The following THBS1 variants were observed in gnomAD, a reference collection of about 807,000 sequenced individuals.
THBS1 encodes thrombospondin 1, also known as thrombospondin-1.
THBS1 carries 29 observed loss-of-function variants against 126.1 expected under a neutral mutation model. The ratio of observed to expected loss-of-function variants is 0.23; its 90% confidence interval spans 0.17 to 0.31. The LOEUF (loss-of-function observed/expected upper bound fraction) is 0.31, where lower values mean the gene tolerates loss of function less well. THBS1 is among the 10% of genes least tolerant of loss of function. THBS1 has a pLI of 1.00. For synonymous variants in THBS1, 496 were observed against 577.8 expected, an observed-to-expected ratio of 0.86 and a Z score of 2.03; for missense variants, 1,198 against 1,545.2, an observed-to-expected ratio of 0.78 and a Z score of 3.77.
intron 9 of THBS1, 104 bp from the exon 10 acceptor site, chr15:39,588,422 T>C (rs1890252495): frequency 8.6e-6 from 12 of 1,389,720 alleles, no homozygotes; most frequent in Admixed American, 2.6e-5. Context: ...TCTTTCCATG[T>C]GTCAGAGAAG....
At chr15:39,585,354 T>C (rs1277817992) in intron 6 of THBS1, 116 bp from the exon 7 acceptor site, 4 of 827,900 alleles carry the variant, frequency 4.8e-6, no homozygotes, top group Non-Finnish European at 8.0e-6. Context: ...ATCATTCCAC[T>C]AGAGCATTGA....
intron 14 of THBS1, 147 bp from the exon 15 acceptor site, chr15:39,591,044 G>C: frequency 1.1e-6 from 1 of 901,684 alleles, no homozygotes; most frequent in Non-Finnish European, 1.7e-6. Context: ...TGTAGTGATC[G>C]TTTTACACTG....
intron 7 of THBS1, 88 bp from the exon 8 acceptor site, chr15:39,587,259 T>G: frequency 7.5e-7 from 1 of 1,341,466 alleles, no homozygotes; most frequent in Non-Finnish European, 1.0e-6. Context: ...TTTCACCCTC[T>G]GGCAAGTGGA....
In THBS1 at chr15:39,588,109, T is replaced by C. The variant is rs755552048; in HGVS notation, c.1362T>C (p.Gly454=). 5.6e-6 allele frequency: 9 copies of C among 1,614,200 alleles called. No individual in the cohort carries two copies. Among genetic ancestry groups the C allele is most frequent in the Non-Finnish European group, 7.6e-6 (9 of 1,180,028 alleles). The part of the protein sequence containing the change: ...WSSCSVTCGD[G]VITRIRLCNS... ...CTTGTTCTGTGACATGTGGTGATGG[T>C]GTGATCACAAGGATCCGGCTCTGCA... The change falls in exon 9 of 22, where the codon GGT becomes GGC. Residue 454 remains glycine (G), a synonymous_variant. Coordinates refer to ENST00000260356, the MANE Select transcript of THBS1 (RefSeq NM_003246.4).
chr15:39,582,558 G>T lies in THBS1; in HGVS notation c.433G>T (p.Glu145Ter). ...AAAGCAGCACGTGGTGTCTGTGGAAGAAGCTCTCCTGGCAACCGGCCAGTG... is the reference window on the plus strand; with the variant it reads ...AAAGCAGCACGTGGTGTCTGTGGAATAAGCTCTCCTGGCAACCGGCCAGTG... ...QGKQHVVSVE[E>*]ALLATGQWKS... The change falls in exon 3 of 22, where the codon GAA (glutamate) becomes TAA (stop). Residue 145 changes from glutamate to a stop codon, truncating the protein, a stop_gained. Coordinates refer to ENST00000260356, the MANE Select transcript of THBS1 (RefSeq NM_003246.4). LOFTEE classifies it high-confidence loss of function. The T allele has an allele frequency of 6.2e-7, 1 of 1,614,188 alleles. No individual in the cohort carries two copies. The highest frequency in any genetic ancestry group is 8.5e-7 in the Non-Finnish European group (1 of 1,180,038).
rs1236566477 is a variant in THBS1, at chr15:39,595,520, C to A, written c.*151C>A. 7.9e-6 allele frequency: 8 copies of A among 1,014,938 alleles called. No homozygotes were observed. Among genetic ancestry groups the A allele is most frequent in the Middle Eastern group, 2.1e-4 (1 of 4,706 alleles). The allele number at this position is 1,014,938 out of a possible 1,614,324, so 62.9% of individuals were successfully genotyped here. On this transcript the variant is annotated 3_prime_UTR_variant, in exon 22 of 22. Transcript: ENST00000260356. The stretch of plus-strand genomic sequence containing the variant: ...CAGTGTGGACTCCTAGAACGTGCGA[C>A]CTGCCTCAAGAAAATGCAGTTTTCA...
chr15:39,588,151 G>C lies in THBS1; in HGVS notation c.1404G>C (p.Gln468His). 2 of 1,614,212 alleles carry C rather than the reference G, an allele frequency of 1.2e-6. No homozygotes were observed. The highest frequency in any genetic ancestry group is 1.7e-6 in the Non-Finnish European group (2 of 1,180,048). Residue 468 changes from glutamine (Q) to histidine (H), a missense_variant, in exon 9 of 22, where the codon CAG becomes CAC. Gln to His is a conservative substitution (Grantham distance 24). Coordinates refer to ENST00000260356, the MANE Select transcript of THBS1 (RefSeq NM_003246.4). ...RIRLCNSPSP[Q>H]MNGKPCEGEA... ...GGCTCTGCAACTCTCCCAGCCCCCA[G>C]ATGAACGGGAAACCCTGTGAAGGCG...
Position 39,591,353 on chromosome 15 carries a change from A to T in THBS1, c.2413+3A>T, listed in dbSNP as rs1890324094. On this transcript the variant is annotated splice_donor_region_variant and intron_variant, in intron 15 of 21. Transcript: ENST00000260356. The stretch of plus-strand genomic sequence containing the variant: ...TGCTGCAGACATTGATGGAGACGGT[A>T]AGGTGCTGCCTGATCAGAGGGCCCG... 2.5e-6 allele frequency: 4 copies of T among 1,612,970 alleles called. No individual in the cohort carries two copies. Among genetic ancestry groups the T allele is most frequent in the Non-Finnish European group, 3.4e-6 (4 of 1,179,360 alleles).
In THBS1 at chr15:39,587,505, G is replaced by C. The variant is rs747553751; in HGVS notation, c.1279G>C (p.Glu427Gln). Residue 427 changes from glutamate to glutamine, a missense_variant, in exon 8 of 22, where the codon GAG becomes CAG. Glu to Gln is a conservative substitution (Grantham distance 29, BLOSUM62 2). This residue lies in a region of THBS1 where 663 missense variants were observed against 860.1 expected (regional missense o/e 0.77). Transcript: ENST00000260356. ...CCAGACACGGACCTGCCACATTCAG[G>C]AGTGTGACAAGAGATGTAAGCATCT... ...SVQTRTCHIQ[E>Q]CDKRFKQDGG... The C allele has an allele frequency of 9.9e-6, 16 of 1,613,126 alleles. No homozygotes were observed. The highest frequency in any genetic ancestry group is 1.3e-5 in the Non-Finnish European group (15 of 1,179,438).
At chr15:39,584,861 C>G (rs529593830) in intron 6 of THBS1, among the ~76,000 whole-genome samples, 1 of 152,320 alleles carries the variant, frequency 6.6e-6, no homozygotes, top group East Asian at 1.9e-4. Context: ...CTGCTTTGCT[C>G]AGATGGCACT....
Position 39,592,480 on chromosome 15 carries a change from A to T in THBS1, c.2533-88A>T. On this transcript the variant is annotated intron_variant, in intron 16 of 21. Coordinates refer to ENST00000260356, the MANE Select transcript of THBS1 (RefSeq NM_003246.4). This position sits in a 1 kb window ranked among gnomAD's most constrained non-coding sequence, Gnocchi z 4.3. ...CCCCACTGGCTGTATCAAACAATGG[A>T]GAATTTTCCCTGTGGTGGGGGCATA... is the stretch of plus-strand genomic sequence containing the variant. 1 of 1,093,242 alleles carries T rather than the reference A, an allele frequency of 9.1e-7. No homozygotes were observed. Among genetic ancestry groups the T allele is most frequent in the South Asian group, 1.6e-5 (1 of 63,574 alleles). The allele number at this position is 1,093,242 out of a possible 1,614,324, so 67.7% of individuals were successfully genotyped here. A position where few individuals can be genotyped will look rare whatever the true frequency, so the allele number is the denominator to read the frequency against.
rs1293801766 is a variant in THBS1 at position 39,596,723 on chromosome 15, A to T, written c.*1354A>T. The T allele has an allele frequency of 6.6e-6, 1 of 152,222 alleles. No individual in the cohort carries two copies. Among genetic ancestry groups the T allele is most frequent in the African/African-American group, 2.4e-5 (1 of 41,456 alleles). 9.4% of individuals were successfully genotyped at this position (152,222 alleles called of 1,614,324 possible). A position where few individuals can be genotyped will look rare whatever the true frequency, so the allele number is the denominator to read the frequency against. ...TTCAAGTGGAATTAGTTGGTTATCC[A>T]TTTGCAAATGTTTTAAATTGCAAAG... is the stretch of plus-strand genomic sequence containing the variant. On this transcript the variant is annotated 3_prime_UTR_variant, in exon 22 of 22. Transcript: ENST00000260356.
intron 9 of THBS1, 52 bp downstream of exon 9, chr15:39,588,270 C>T (rs766864355): frequency 1.3e-6 from 2 of 1,571,912 alleles, no homozygotes; most frequent in Non-Finnish European, 1.7e-6. Flanking sequence ...CTCTGCCCAG[C>T]TGGTTGCCTG....
At chr15:39,590,938 G>T in intron 14 of THBS1, 1 of 546,184 alleles carries the variant, frequency 1.8e-6, no homozygotes, top group Non-Finnish European at 3.2e-6. Flanking sequence ...ATTGACTTTG[G>T]GCACACTATG....
Position 39,591,460 on chromosome 15 carries a change from C to T in THBS1, c.2414-45C>T, listed in dbSNP as rs548623996. ...TAGTATGCACTTTGGTGGAAACATC[C>T]AAGGCTGGAGAGCCCAGCTCTTATT... On this transcript the variant is annotated intron_variant, in intron 15 of 21. Coordinates refer to ENST00000260356, the MANE Select transcript of THBS1 (RefSeq NM_003246.4). 6 of 1,611,340 alleles carry T rather than the reference C, an allele frequency of 3.7e-6. No homozygotes were observed. The South Asian group carries it at 6.6e-5, about 18-fold the overall frequency.
In THBS1 at chr15:39,582,462, T is replaced by C; in HGVS notation, c.337T>C (p.Ser113Pro). 1 of 1,614,094 alleles carries C rather than the reference T, an allele frequency of 6.2e-7. No homozygotes were observed. Among genetic ancestry groups the C allele is most frequent in the Non-Finnish European group, 8.5e-7 (1 of 1,179,988 alleles). Residue 113 changes from serine (S) to proline (P), a missense_variant, in exon 3 of 22, where the codon TCT becomes CCT. Physicochemically the swap from Ser to Pro is moderately conservative, Grantham distance 74 (BLOSUM62 -1). Coordinates refer to ENST00000260356, the MANE Select transcript of THBS1 (RefSeq NM_003246.4). ...GCTGGCCCTGGAGCGGAAAGACCAC[T>C]CTGGCCAGGTCTTCAGCGTGGTGTC... Reference protein sequence around the residue: ...TLLALERKDHSGQVFSVVSNG... With the variant: ...TLLALERKDHPGQVFSVVSNG...
In THBS1 at chr15:39,590,669, C is replaced by T. The variant is rs759856652; in HGVS notation, c.2253+46C>T. The T allele has an allele frequency of 3.3e-6, 5 of 1,499,202 alleles. No homozygotes were observed. In the South Asian group the frequency reaches 5.8e-5, roughly 17 times the overall value. The allele number at this position is 1,499,202 out of a possible 1,614,324, so 92.9% of individuals were successfully genotyped here. A position where few individuals can be genotyped will look rare whatever the true frequency, so the allele number is the denominator to read the frequency against. On this transcript the variant is annotated intron_variant, in intron 14 of 21. Transcript: ENST00000260356. Reference sequence around the variant, plus strand: ...CTTTTTCATCTTTTCAGTTCAGCAACAGCCTGAAACACTTTGGGATTCAAG... The same window carrying T: ...CTTTTTCATCTTTTCAGTTCAGCAATAGCCTGAAACACTTTGGGATTCAAG...
In THBS1 at chr15:39,595,450, C is replaced by A; in HGVS notation, c.*81C>A. 1 of 1,463,052 alleles carries A rather than the reference C, an allele frequency of 6.8e-7. No individual in the cohort carries two copies. Among genetic ancestry groups the A allele is most frequent in the East Asian group, 2.3e-5 (1 of 42,914 alleles). 90.6% of individuals were successfully genotyped at this position (1,463,052 alleles called of 1,614,324 possible). ...CTGGAACTATGGGCTTGAGAAAACC[C>A]CCAGGATCACTTCTCCTTGGCTTCC... On this transcript the variant is annotated 3_prime_UTR_variant, in exon 22 of 22. Coordinates refer to ENST00000260356, the MANE Select transcript of THBS1 (RefSeq NM_003246.4).
rs1890385311 is a variant in THBS1, at chr15:39,594,148, C to T, written c.3317C>T (p.Thr1106Ile). 6.2e-7 allele frequency: 1 copy of T among 1,614,144 alleles called. No individual in the cohort carries two copies. The highest frequency in any genetic ancestry group is 8.5e-7 in the Non-Finnish European group (1 of 1,179,996). ...CGTCACATAGGCTGGAAAGATTTCACCGCCTACAGATGGCGTCTCAGCCAC... is the reference window on the plus strand; with the variant it reads ...CGTCACATAGGCTGGAAAGATTTCATCGCCTACAGATGGCGTCTCAGCCAC... The part of the protein sequence containing the change: ...DPRHIGWKDF[T>I]AYRWRLSHRP... The change falls in exon 20 of 22, where the codon ACC becomes ATC. Residue 1106 changes from threonine to isoleucine, a missense_variant. Transcript: ENST00000260356. The surrounding 1 kb of genome is among the most constrained non-coding windows in gnomAD (Gnocchi z 4.4).
Sources: allele counts gnomAD v4.1 joint callset (sites outside exome capture counted in the v4.1 genomes callset), GRCh38; gene constraint gnomAD v4.1.1; regional missense constraint gnomAD v4.1.1; non-coding constraint Gnocchi (gnomAD v3.1); transcripts MANE v1.5; gene names NCBI Gene and HGNC (gene_info 2026-07-23, HGNC 2026-07-21).